PTCHD4: variants seen among roughly 807,000 people sequenced by gnomAD.
The protein encoded by PTCHD4 is patched domain containing 4.
In PTCHD4, 33 loss-of-function variants were observed where a neutral mutation model predicts 58.1. The observed-to-expected ratio is 0.57, with a 90% CI of 0.43 to 0.76. The LOEUF is 0.76. Ranked by LOEUF, PTCHD4 falls within the 30% of genes least tolerant of loss-of-function variation. The pLI is 0.00. For synonymous variants in PTCHD4, 478 were observed against 409.6 expected (o/e 1.17, Z -2.02); for missense variants, 1,058 against 1,027.1 (o/e 1.03, Z -0.41).
chr6:47,868,250 C>T lies in PTCHD4; in HGVS notation c.*10053G>A, dbSNP rs1536814. On this transcript the variant is annotated 3_prime_UTR_variant, in exon 5 of 5. Coordinates refer to ENST00000339488, the MANE Select transcript of PTCHD4 (RefSeq NM_001384253.1). ...TTCTTTATGTTGGATCACATTCTCCCTTATTTTACTATCAAGATGTGTATA... is the reference window on the plus strand; with the variant it reads ...TTCTTTATGTTGGATCACATTCTCCTTTATTTTACTATCAAGATGTGTATA... Among the ~76,000 whole-genome samples, 101,401 of 151,314 alleles carry T rather than the reference C, an allele frequency of 0.67. 34,402 individuals carry two copies. Among genetic ancestry groups the T allele is most frequent in the East Asian group, 0.78 (4,000 of 5,112 alleles).
intron 4 of PTCHD4, among the ~76,000 whole-genome samples, chr6:47,931,352 T>A (rs1016723361): frequency 7.2e-5 from 11 of 152,216 alleles, no homozygotes; most frequent in African/African-American, 2.7e-4. Context: ...GTTATATATG[T>A]GTACTTGGCA....
intron 3 of PTCHD4, among the ~76,000 whole-genome samples, chr6:48,053,892 C>G (rs1442117586): frequency 6.6e-6 from 1 of 152,120 alleles, no homozygotes; most frequent in Admixed American, 6.6e-5. Flanking sequence ...GGCAGATGTT[C>G]TCTCCTTTGA....
At chr6:48,037,671 A>G (rs555478941) in intron 3 of PTCHD4, among the ~76,000 whole-genome samples, 1 of 152,290 alleles carries the variant, frequency 6.6e-6, no homozygotes, top group African/African-American at 2.4e-5. Flanking sequence ...AAAGATTTGA[A>G]AAGTCTCAAA....
At chr6:48,018,662 T>A (rs992684549) in intron 3 of PTCHD4, among the ~76,000 whole-genome samples, 1 of 152,248 alleles carries the variant, frequency 6.6e-6, no homozygotes, top group African/African-American at 2.4e-5. Context: ...TATCCCCAGA[T>A]GTCTACCAGT....
chr6:48,094,133 A>C (rs1765417273), intron 1 of PTCHD4, among the ~76,000 whole-genome samples: 1 of 152,214 alleles, frequency 6.6e-6, no homozygotes, highest in Non-Finnish European at 1.5e-5. Context: ...GTTGGTAAAA[A>C]TCGGACTGAA....
chr6:48,013,526 AG>A (rs1762763480), intron 3 of PTCHD4, among the ~76,000 whole-genome samples: 2 of 152,010 alleles, frequency 1.3e-5, no homozygotes, highest in African/African-American at 4.8e-5. Flanking sequence ...ATGAGCTGCA[AG>A]TAGAAAGGTG....
chr6:48,053,111 C>G (rs575869517), intron 3 of PTCHD4, among the ~76,000 whole-genome samples: 1 of 152,092 alleles, frequency 6.6e-6, no homozygotes, highest in South Asian at 2.1e-4. Flanking sequence ...GAGCCAGGAT[C>G]CTTATATGAA....
chr6:48,053,636 T>C (rs1764309385), intron 3 of PTCHD4, among the ~76,000 whole-genome samples: 1 of 152,204 alleles, frequency 6.6e-6, no homozygotes, highest in African/African-American at 2.4e-5. Context: ...CTTTTTAAAA[T>C]GAATGCCCTT....
chr6:48,078,889 C>T (rs1284673315), intron 1 of PTCHD4, among the ~76,000 whole-genome samples: 4 of 152,010 alleles, frequency 2.6e-5, no homozygotes, highest in Non-Finnish European at 5.9e-5. Flanking sequence ...GAGGCGGAGG[C>T]GGGCGGATCA....
intron 4 of PTCHD4, among the ~76,000 whole-genome samples, chr6:47,965,341 C>G (rs1470632490): frequency 6.6e-6 from 1 of 152,112 alleles, no homozygotes; most frequent in Non-Finnish European, 1.5e-5. Context: ...CTTGAAATTG[C>G]ACTTTGTAGC....
intron 4 of PTCHD4, among the ~76,000 whole-genome samples, chr6:47,983,275 A>G (rs868815027): frequency 2.6e-5 from 4 of 152,184 alleles, no homozygotes; most frequent in Admixed American, 6.5e-5. Context: ...TAGAAAAATG[A>G]ATTTCACCAT....
At chr6:48,033,182 T>C (rs1763512169) in intron 3 of PTCHD4, among the ~76,000 whole-genome samples, 1 of 152,148 alleles carries the variant, frequency 6.6e-6, no homozygotes, top group African/African-American at 2.4e-5. Context: ...GTTACTCTGC[T>C]CAACCTCCTT....
intron 4 of PTCHD4, among the ~76,000 whole-genome samples, chr6:47,881,311 C>T (rs768035373): frequency 6.6e-6 from 1 of 152,162 alleles, no homozygotes; most frequent in African/African-American, 2.4e-5. Context: ...TAATTCCTCC[C>T]TTTCTTTTAT....
intron 1 of PTCHD4, among the ~76,000 whole-genome samples, chr6:48,085,557 T>A (rs1436278060): frequency 6.6e-6 from 1 of 152,216 alleles, no homozygotes; most frequent in Non-Finnish European, 1.5e-5. Context: ...ATTGATATAC[T>A]CACAGTGTTT....
At chr6:47,908,328 A>T (rs1764964853) in intron 4 of PTCHD4, among the ~76,000 whole-genome samples, 1 of 152,136 alleles carries the variant, frequency 6.6e-6, no homozygotes, top group Non-Finnish European at 1.5e-5. Context: ...ATCAATTCTC[A>T]GTCTGCCCCT....
rs1051298869 is a variant in PTCHD4, at chr6:47,869,740, A to T, written c.*8563T>A. ...TGTTTAAAGGATAAAAAATTACATT[A>T]TAAGTTTTAGAACTTGTGATTCAAT... On this transcript the variant is annotated 3_prime_UTR_variant, in exon 5 of 5. Transcript: ENST00000339488. Among the ~76,000 whole-genome samples the T allele has an allele frequency of 1.3e-5, 2 of 151,734 alleles. No homozygotes were observed. Among genetic ancestry groups the T allele is most frequent in the Non-Finnish European group, 3.0e-5 (2 of 67,786 alleles).
At chr6:47,884,446 A>T (rs1355064910) in intron 4 of PTCHD4, among the ~76,000 whole-genome samples, 2 of 152,116 alleles carry the variant, frequency 1.3e-5, no homozygotes, top group Non-Finnish European at 2.9e-5. Flanking sequence ...TTACTCAGAG[A>T]TTCTTAATCC....
intron 3 of PTCHD4, among the ~76,000 whole-genome samples, chr6:48,065,899 A>T (rs1204970694): frequency 2.0e-5 from 3 of 152,182 alleles, no homozygotes; most frequent in African/African-American, 7.2e-5. Context: ...TGCTATTATG[A>T]TATTAACCTT....
chr6:47,968,920 T>G (rs1291765678), intron 4 of PTCHD4, among the ~76,000 whole-genome samples: 1 of 152,220 alleles, frequency 6.6e-6, no homozygotes, highest in African/African-American at 2.4e-5. Context: ...CTACTTCTTA[T>G]TCTCAATTTG....
Sources: allele counts gnomAD v4.1 joint callset (sites outside exome capture counted in the v4.1 genomes callset), GRCh38; gene constraint gnomAD v4.1.1; transcripts MANE v1.5; gene names NCBI Gene and HGNC (gene_info 2026-07-23, HGNC 2026-07-21).